RBL1: variants seen among roughly 807,000 people sequenced by gnomAD.
RBL1 encodes the protein RB transcriptional corepressor like 1, also known as retinoblastoma-like protein 1.
A neutral mutation model predicts 123.0 loss-of-function variants in RBL1; 82 were observed. The observed-to-expected ratio is 0.67, with a 90% CI of 0.56 to 0.80. The LOEUF (loss-of-function observed/expected upper bound fraction) is 0.80. Ranked by LOEUF, RBL1 falls within the 30% of genes least tolerant of loss-of-function variation. The pLI is 0.00. For missense variants in RBL1, 1,171 were observed against 1,299.6 expected, an observed-to-expected ratio of 0.90 and a Z score of 1.52; for synonymous variants, 405 against 441.3, an observed-to-expected ratio of 0.92 and a Z score of 1.03.
intron 16 of RBL1, among the ~76,000 whole-genome samples, chr20:37,026,561 G>T (rs539930469): frequency 1.3e-5 from 2 of 151,902 alleles, no homozygotes; most frequent in Non-Finnish European, 2.9e-5. Flanking sequence ...AAAATTAGCC[G>T]GGTGTGGTGG....
chr20:37,070,073 G>T (rs1179646171), intron 2 of RBL1, among the ~76,000 whole-genome samples: 1 of 152,366 alleles, frequency 6.6e-6, no homozygotes, highest in South Asian at 2.1e-4. Context: ...TGGTTGCCGT[G>T]TCTGTGTAGA....
intron 18 of RBL1, among the ~76,000 whole-genome samples, chr20:37,019,957 A>G (rs534312424): frequency 6.6e-6 from 1 of 152,332 alleles, no homozygotes; most frequent in African/African-American, 2.4e-5. Context: ...CAAAGATGCA[A>G]ACATTAGGAT....
rs1219960447 is a variant in RBL1 at position 37,004,397 on chromosome 20, T to C, written c.2872-531A>G. 2.0e-5 allele frequency among the ~76,000 whole-genome samples: 3 copies of C among 150,626 alleles called. No individual in the cohort carries two copies. In the East Asian group the frequency reaches 6.0e-4, roughly 30 times the overall value. On this transcript the variant is annotated intron_variant, in intron 20 of 21. Coordinates refer to ENST00000373664, the MANE Select transcript of RBL1 (RefSeq NM_002895.5). ...ATGCCCGGCCTATTTTCCTGGATCT[T>C]TCAGGAAGTCCTATAACTAGTATTA... is the stretch of plus-strand genomic sequence containing the variant.
intron 12 of RBL1, 107 bp from the exon 13 acceptor site, chr20:37,044,357 A>G: frequency 8.7e-7 from 1 of 1,144,476 alleles, no homozygotes; most frequent in Non-Finnish European, 1.2e-6. Context: ...CTTTTTTTTG[A>G]GACGGAGTTT....
intron 2 of RBL1, among the ~76,000 whole-genome samples, chr20:37,080,387 C>T (rs1012297077): frequency 1.3e-5 from 2 of 151,368 alleles, no homozygotes; most frequent in African/African-American, 4.9e-5. Flanking sequence ...TAACTCCTGG[C>T]CTCAAGTGAT....
chr20:37,012,777 G>A (rs1478934118), intron 19 of RBL1, among the ~76,000 whole-genome samples: 4 of 150,550 alleles, frequency 2.7e-5, no homozygotes, highest in Admixed American at 6.6e-5. Context: ...CACCCAGTCC[G>A]GGAGGGAGGT....
rs368762474 is a variant in RBL1, at chr20:37,039,001, G to A, written c.1903+1152C>T. Among the ~76,000 whole-genome samples the A allele has an allele frequency of 8.5e-5, 13 of 152,238 alleles. No homozygotes were observed. In the East Asian group the frequency reaches 1.2e-3, roughly 14 times the overall value. On this transcript the variant is annotated intron_variant, in intron 14 of 21. Coordinates refer to ENST00000373664, the MANE Select transcript of RBL1 (RefSeq NM_002895.5). The stretch of plus-strand genomic sequence containing the variant: ...CACAGAGTCCAAAAATGGATGTACC[G>A]TACTATGTAACCTGAATACTTGTTC...
At position 37,095,809 on chromosome 20, in the gene RBL1, G is replaced by A. The variant is rs1415932951; in HGVS notation, c.120C>T (p.Asp40=). Residue 40 remains aspartate (D), a synonymous_variant, in exon 1 of 22, where the codon GAC becomes GAT. Transcript: ENST00000373664. ...LDEGSAAEAL[D]DFTAIRGNYS... is the part of the protein sequence containing the mutation. The stretch of plus-strand genomic sequence containing the variant: ...AGTTGCCTCGGATGGCAGTAAAGTC[G>A]TCCAGGGCTTCGGCCGCGCTCCCCT... 4 of 1,609,970 alleles carry A rather than the reference G, an allele frequency of 2.5e-6. No individual in the cohort carries two copies. In the East Asian group the frequency reaches 6.7e-5, roughly 27 times the overall value.
At chr20:37,068,228 C>T in intron 2 of RBL1, 42 bp from the exon 3 acceptor site, 1 of 1,507,724 alleles carries the variant, frequency 6.6e-7, no homozygotes, top group South Asian at 1.3e-5. Context: ...CTTTAAAATT[C>T]ATTTAAATAA....
At chr20:37,065,747 G>T (rs1222993944) in intron 6 of RBL1, among the ~76,000 whole-genome samples, 2 of 151,704 alleles carry the variant, frequency 1.3e-5, no homozygotes, top group Non-Finnish European at 2.9e-5. Context: ...CCAAGTAGCT[G>T]GGACTACAGT....
intron 20 of RBL1, among the ~76,000 whole-genome samples, chr20:37,004,070 CTT>C (rs769240103): frequency 6.6e-5 from 9 of 136,472 alleles, no homozygotes; most frequent in Admixed American, 7.3e-5. Context: ...TTTCCTGAAT[CTT>C]TTTTTTTTTT....
chr20:37,061,167 G>A lies in RBL1; in HGVS notation c.1186C>T (p.Arg396Trp), dbSNP rs935256767. The A allele has an allele frequency of 6.8e-6, 11 of 1,613,824 alleles. No homozygotes were observed. Among genetic ancestry groups the A allele is most frequent in the Non-Finnish European group, 9.3e-6 (11 of 1,179,870 alleles). The stretch of plus-strand genomic sequence containing the variant: ...AGACCAGCCACAATACTCTGTAACC[G>A]GCTCACACTTTGGGTGGCTGATGCA... The part of the protein sequence containing the change: ...PVASATQSVS[R>W]LQSIVAGLKN... The change falls in exon 9 of 22, where the codon CGG (arginine) becomes TGG (tryptophan). Residue 396 changes from arginine to tryptophan, a missense_variant. Transcript: ENST00000373664.
chr20:37,035,173 T>G, intron 15 of RBL1, 69 bp downstream of exon 15: 2 of 1,396,726 alleles, frequency 1.4e-6, no homozygotes, highest in Non-Finnish European at 1.9e-6. Flanking sequence ...CCATGTGATC[T>G]AATCCACTAA....
At chr20:37,020,527 G>T in intron 18 of RBL1, 132 bp downstream of exon 18, 1 of 676,968 alleles carries the variant, frequency 1.5e-6, no homozygotes, top group Non-Finnish European at 2.5e-6. Flanking sequence ...TATCTCTTGA[G>T]TTTAATGTTA....
chr20:36,999,904 C>G (rs1312011924), intron 21 of RBL1, among the ~76,000 whole-genome samples: 1 of 152,124 alleles, frequency 6.6e-6, no homozygotes, highest in Admixed American at 6.5e-5. Flanking sequence ...AGACTCTGCC[C>G]GGCCGCCACC....
chr20:37,041,766 G>A (rs1052977490), intron 13 of RBL1, among the ~76,000 whole-genome samples: 4 of 151,990 alleles, frequency 2.6e-5, no homozygotes, highest in African/African-American at 7.2e-5. Context: ...ATCTGAATTG[G>A]ACACCATCAA....
At chr20:37,018,471 T>A in intron 18 of RBL1, 102 bp from the exon 19 acceptor site, 1 of 1,438,514 alleles carries the variant, frequency 7.0e-7, no homozygotes, top group Non-Finnish European at 9.2e-7. Flanking sequence ...TAAAAACTAT[T>A]TGTCTGTATA....
chr20:37,089,723 CA>C (rs1294213975), intron 1 of RBL1, among the ~76,000 whole-genome samples: 3 of 151,876 alleles, frequency 2.0e-5, no homozygotes, highest in African/African-American at 7.3e-5. Flanking sequence ...GCATATGCCA[CA>C]TAACATCTTG....
chr20:37,079,254 A>C (rs748897627), intron 2 of RBL1, among the ~76,000 whole-genome samples: 26 of 152,030 alleles, frequency 1.7e-4, no homozygotes, highest in Non-Finnish European at 3.5e-4. Context: ...TGTAGACAAA[A>C]AATAACAAAT....
Sources: gnomAD v4.1 joint callset for allele counts (sites outside exome capture counted in the v4.1 genomes callset) on GRCh38, gnomAD v4.1.1 for gene constraint, MANE v1.5 for transcripts, NCBI Gene and HGNC (gene_info 2026-07-23, HGNC 2026-07-21) for gene names.